Variants in MKKS observed in about 807,000 individuals in gnomAD.
MKKS encodes the protein MKKS centrosomal shuttling protein.
Under a neutral mutation model 33.2 loss-of-function variants are expected in MKKS, and 29 were observed. The ratio of observed to expected loss-of-function variants is 0.87; its 90% CI spans 0.65 to 1.19. The LOEUF is 1.19. MKKS is among the 50% of genes most tolerant of loss of function. The pLI, the probability that MKKS is intolerant of heterozygous loss-of-function variation, is 0.00. For missense variants in MKKS, 661 were observed against 662.3 expected (o/e 1.00, Z 0.02); for synonymous variants, 260 against 244.0 (o/e 1.07, Z -0.61).
rs918404615 is a variant in MKKS, at chr20:10,418,071, T to C, written c.-418+2457A>G. On this transcript the variant is annotated intron_variant, in intron 2 of 5. Transcript: ENST00000347364. ...TATAAACATGGCCTTGGGTATCAAA[T>C]TGTAGGTAAAGAGTCACTGTTAAGT... Among the ~76,000 whole-genome samples the C allele has an allele frequency of 2.0e-5, 3 of 152,204 alleles. No individual in the cohort carries two copies. In the South Asian group the frequency reaches 6.2e-4, roughly 31 times the overall value.
At chr20:10,411,913 T>A (rs1403732353) in intron 3 of MKKS, among the ~76,000 whole-genome samples, 2 of 152,254 alleles carry the variant, frequency 1.3e-5, no homozygotes, top group African/African-American at 4.8e-5. Context: ...ATTTTAGTTC[T>A]GTATATTACC....
chr20:10,415,378 G>A (rs1208316958), intron 2 of MKKS, among the ~76,000 whole-genome samples: 2 of 152,116 alleles, frequency 1.3e-5, no homozygotes, highest in Non-Finnish European at 2.9e-5. Flanking sequence ...GTGCAAAGAG[G>A]TGGGCAGAAC....
In MKKS at chr20:10,405,191, C is replaced by T. The variant is rs866001274; in HGVS notation, c.*56G>A. On this transcript the variant is annotated 3_prime_UTR_variant, in exon 6 of 6. Coordinates refer to ENST00000347364, the MANE Select transcript of MKKS (RefSeq NM_170784.3). ...AAACAAATACACTCACAATTTTTCT[C>T]AATTGCCAACAGACTAGTTTATTTG... is the stretch of plus-strand genomic sequence containing the variant. 4.3e-6 allele frequency: 6 copies of T among 1,406,296 alleles called. No individual in the cohort carries two copies. In the Middle Eastern group the frequency reaches 6.0e-4, roughly 140 times the overall value. The allele number at this position is 1,406,296 out of a possible 1,614,324, so 87.1% of individuals were successfully genotyped here.
intron 1 of MKKS, among the ~76,000 whole-genome samples, chr20:10,428,079 T>TG (rs2065028523): frequency 1.3e-5 from 2 of 152,218 alleles, no homozygotes. Flanking sequence ...AAGTCTTATA[T>TG]GGGGGTTTCA....
intron 3 of MKKS, among the ~76,000 whole-genome samples, chr20:10,411,867 T>C (rs536975951): frequency 4.8e-4 from 73 of 152,222 alleles, no homozygotes; most frequent in Non-Finnish European, 9.1e-4. Flanking sequence ...TGCTTTTAAT[T>C]TGCTGAGTTT....
rs1283714693 is a variant in MKKS, at chr20:10,412,795, C to T, written c.720G>A (p.Lys240=). The T allele has an allele frequency of 6.8e-6, 11 of 1,614,078 alleles. No homozygotes were observed. The highest frequency in any genetic ancestry group is 1.3e-5 in the African/African-American group (1 of 74,930). The change falls in exon 3 of 6, where the codon AAG becomes AAA. Residue 240 remains lysine (K), a synonymous_variant. Coordinates refer to ENST00000347364, the MANE Select transcript of MKKS (RefSeq NM_170784.3). The part of the protein sequence containing the change: ...LLPIKKSTAL[K]VALFCTTLSG... Reference sequence around the variant, plus strand: ...ATAAAGTTGTACAAAAGAGTGCCACCTTGAGGGCAGTTGATTTTTTGATAG... The same window carrying T: ...ATAAAGTTGTACAAAAGAGTGCCACTTTGAGGGCAGTTGATTTTTTGATAG...
chr20:10,411,078 C>T (rs1182004626), intron 3 of MKKS, among the ~76,000 whole-genome samples: 1 of 151,786 alleles, frequency 6.6e-6, no homozygotes, highest in Non-Finnish European at 1.5e-5. Context: ...CCTCCACCTC[C>T]TGGGTTCAAG....
chr20:10,413,991 A>G lies in MKKS; in HGVS notation c.-417-60T>C, dbSNP rs1285276903. 6.5e-5 allele frequency: 26 copies of G among 397,418 alleles called. No homozygotes were observed. In the East Asian group the frequency reaches 9.3e-4, roughly 14 times the overall value. The allele number at this position is 397,418 out of a possible 1,614,324, so 24.6% of individuals were successfully genotyped here. On this transcript the variant is annotated intron_variant, in intron 2 of 5. Coordinates refer to ENST00000347364, the MANE Select transcript of MKKS (RefSeq NM_170784.3). ...ACTTCCCAAGCAGTTTGTAGACTGCAGTTTAATAATTTATTCTAATGCTCT... is the reference window on the plus strand; with the variant it reads ...ACTTCCCAAGCAGTTTGTAGACTGCGGTTTAATAATTTATTCTAATGCTCT...
At chr20:10,433,967 CCTT>C (rs1417644406) in intron 1 of MKKS, 138 bp downstream of exon 1, 1 of 152,298 alleles carries the variant, frequency 6.6e-6, no homozygotes, top group Non-Finnish European at 1.5e-5. Flanking sequence ...CCAGCCTCCT[CCTT>C]GTCCCCGCCC....
At chr20:10,423,771 G>C (rs1157134286) in intron 1 of MKKS, among the ~76,000 whole-genome samples, 1 of 152,170 alleles carries the variant, frequency 6.6e-6, no homozygotes, top group African/African-American at 2.4e-5. Flanking sequence ...AAGGATCGAT[G>C]AATCTTTTTC....
rs1291657403 is a variant in MKKS, at chr20:10,408,744, C to T, written c.1045G>A (p.Asp349Asn). The T allele has an allele frequency of 1.2e-6, 2 of 1,613,878 alleles. No individual in the cohort carries two copies. Among genetic ancestry groups the T allele is most frequent in the South Asian group, 2.2e-5 (2 of 91,074 alleles). Residue 349 changes from aspartate (D) to asparagine (N), a missense_variant, in exon 4 of 6, where the codon GAT becomes AAT. Transcript: ENST00000347364. ...GAGCCAAATTTTGCAGTGCACACAT[C>T]TTTCACACTTCCATAACTATTAGGA... ...ICPNSYGSVK[D>N]VCTAKFGSKH...
chr20:10,410,025 C>T (rs1301013398), intron 3 of MKKS, among the ~76,000 whole-genome samples: 1 of 134,010 alleles, frequency 7.5e-6, no homozygotes, highest in African/African-American at 2.8e-5. Flanking sequence ...CCTAAAAACA[C>T]TTCCATCTCA....
Position 10,405,649 on chromosome 20 carries a change from TTCA to T in MKKS, c.1308_1310del (p.Asp436del), listed in dbSNP as rs1568662871. 6.2e-7 allele frequency: 1 copy of T among 1,614,180 alleles called. No individual in the cohort carries two copies. The highest frequency in any genetic ancestry group is 1.3e-5 in the African/African-American group (1 of 75,060). ...TTAATTGAAGTTCTGTTTGAGTACA[TTCA>T]TCATCTTTGAGAATGCTTTCTGGGT... On this transcript the variant is annotated inframe_deletion, in exon 6 of 6. Transcript: ENST00000347364.
Position 10,407,711 on chromosome 20 carries a change from C to T in MKKS, c.1177G>A (p.Ala393Thr). 1 of 1,613,304 alleles carries T rather than the reference C, an allele frequency of 6.2e-7. No individual in the cohort carries two copies. Among genetic ancestry groups the T allele is most frequent in the Non-Finnish European group, 8.5e-7 (1 of 1,179,424 alleles). Residue 393 changes from alanine (A) to threonine (T), a missense_variant, in exon 5 of 6, where the codon GCA becomes ACA. Transcript: ENST00000347364. ...WDELKLTCQTALHVLQLTLKE... is the reference protein window; with the variant it reads ...WDELKLTCQTTLHVLQLTLKE... ...AGTGTTAACTGCAGGACATGCAGTG[C>T]CGTCTGACACGTGAGCTAAGAAAAA...
At chr20:10,408,997 A>G (rs996429998) in intron 3 of MKKS, among the ~76,000 whole-genome samples, 194 bp from the exon 4 acceptor site, 1 of 152,238 alleles carries the variant, frequency 6.6e-6, no homozygotes, top group African/African-American at 2.4e-5. Flanking sequence ...TATACAAATA[A>G]AGTAAAGTAG....
At position 10,405,006 on chromosome 20, in the gene MKKS, T is replaced by C. The variant is rs1356007563; in HGVS notation, c.*241A>G. The C allele has an allele frequency of 1.2e-5, 4 of 338,080 alleles. No homozygotes were observed. In the East Asian group the frequency reaches 2.3e-4, roughly 20 times the overall value. The allele number at this position is 338,080 out of a possible 1,614,324, so 20.9% of individuals were successfully genotyped here. A position where few individuals can be genotyped will look rare whatever the true frequency, so the allele number is the denominator to read the frequency against. On this transcript the variant is annotated 3_prime_UTR_variant, in exon 6 of 6. Coordinates refer to ENST00000347364, the MANE Select transcript of MKKS (RefSeq NM_170784.3). ...TTAGAACAATGTACAGCAGCCAGTA[T>C]AGAATCCCTAAGATAACTATAATAT...
chr20:10,427,416 A>G (rs569456567), intron 1 of MKKS, among the ~76,000 whole-genome samples: 29 of 152,226 alleles, frequency 1.9e-4, no homozygotes, highest in Non-Finnish European at 3.2e-4. Context: ...GAAGAACATT[A>G]GATAGAATAT....
chr20:10,407,688 T>C lies in MKKS; in HGVS notation c.1200A>G (p.Thr400=), dbSNP rs764126920. 3 of 1,614,010 alleles carry C rather than the reference T, an allele frequency of 1.9e-6. No homozygotes were observed. The highest frequency in any genetic ancestry group is 2.5e-6 in the Non-Finnish European group (3 of 1,179,940). Residue 400 remains threonine (T), a synonymous_variant, in exon 5 of 6, where the codon ACA becomes ACG. Transcript: ENST00000347364. ...CQTALHVLQL[T]LKEPWALLGG... is the part of the protein sequence containing the mutation. ...CCAACAAAGCCCATGGTTCCTTGAGTGTTAACTGCAGGACATGCAGTGCCG... is the reference window on the plus strand; with the variant it reads ...CCAACAAAGCCCATGGTTCCTTGAGCGTTAACTGCAGGACATGCAGTGCCG...
Position 10,402,494 on chromosome 20 carries a change from C to T in MKKS, c.*2753G>A, listed in dbSNP as rs181673742. 2.1e-4 allele frequency: 32 copies of T among 151,818 alleles called. No homozygotes were observed. Among genetic ancestry groups the T allele is most frequent in the African/African-American group, 7.0e-4 (29 of 41,388 alleles). 9.4% of individuals were successfully genotyped at this position (151,818 alleles called of 1,614,324 possible). On this transcript the variant is annotated 3_prime_UTR_variant, in exon 6 of 6. Transcript: ENST00000347364. ...AGAGGTATTTGTAAATATATTTTAA[C>T]GAATTTGTGATATATTCAAAATAAG...
Sources: gnomAD v4.1 joint callset for allele counts (sites outside exome capture counted in the v4.1 genomes callset) on GRCh38, gnomAD v4.1.1 for gene constraint, MANE v1.5 for transcripts, NCBI Gene and HGNC (gene_info 2026-07-23, HGNC 2026-07-21) for gene names.